Variants in RANBP2 observed in about 807,000 individuals in gnomAD.
RANBP2 encodes E3 SUMO-protein ligase RanBP2.
RANBP2 carries 57 observed loss-of-function variants against 303.6 expected under a neutral mutation model. That is an observed-to-expected ratio of 0.19 (90% confidence interval 0.15 to 0.23). RANBP2 has a LOEUF of 0.23. Ranked by LOEUF, RANBP2 falls within the 10% of genes least tolerant of loss-of-function variation. The pLI is 1.00. For missense variants in RANBP2, 3,138 were observed against 3,780.8 expected, an observed-to-expected ratio of 0.83 and a Z score of 4.46; for synonymous variants, 1,167 against 1,301.5, an observed-to-expected ratio of 0.90 and a Z score of 2.23.
At chr2:109,436,063 C>T in the RANBP2 span, among the ~76,000 whole-genome samples, 1 of 152,154 alleles carries the variant, frequency 6.6e-6, no homozygotes, top group East Asian at 1.9e-4. Context: ...GATGGCTGGA[C>T]CAGGCACAGG....
chr2:108,753,723 C>A, intron 14 of RANBP2, 102 bp from the exon 15 acceptor site: 3 of 1,598,504 alleles, frequency 1.9e-6, no homozygotes, highest in Non-Finnish European at 1.7e-6. Flanking sequence ...TGCCTCAGCT[C>A]CCGAGTAGCT....
At chr2:109,540,008 C>T in the RANBP2 span, among the ~76,000 whole-genome samples, 1 of 151,994 alleles carries the variant, frequency 6.6e-6, no homozygotes, top group African/African-American at 2.4e-5. Context: ...CCTGGTGGGA[C>T]ATGTGTCTTC....
Position 108,782,360 on chromosome 2 carries a change from T to C in RANBP2, c.8993T>C (p.Val2998Ala). ...ACAATGGAATTAAAGCCCTTAAATG[T>C]TTCAAATAATGCTTTAGTTTGGACT... ...TKTMELKPLN[V>A]SNNALVWTAS... Residue 2998 changes from valine (V) to alanine (A), a missense_variant, in exon 27 of 29, where the codon GTT (valine) becomes GCT (alanine). Physicochemically the swap from Val to Ala is moderately conservative, Grantham distance 64 (BLOSUM62 0). Coordinates refer to ENST00000283195, the MANE Select transcript of RANBP2 (RefSeq NM_006267.5). 1 of 1,614,180 alleles carries C rather than the reference T, an allele frequency of 6.2e-7. No individual in the cohort carries two copies. The highest frequency in any genetic ancestry group is 8.5e-7 in the Non-Finnish European group (1 of 1,180,030).
At chr2:108,978,089 C>G in the RANBP2 span, among the ~76,000 whole-genome samples, 1 of 152,186 alleles carries the variant, frequency 6.6e-6, no homozygotes, top group African/African-American at 2.4e-5. Context: ...TAGGGAAGAG[C>G]CCAGGGTAGG....
chr2:109,161,027 G>A, the RANBP2 span, among the ~76,000 whole-genome samples: 1 of 152,284 alleles, frequency 6.6e-6, no homozygotes, highest in East Asian at 1.9e-4. Context: ...TGGATGTGAA[G>A]GCTGTGAGAG....
At chr2:109,659,727 G>C in the RANBP2 span, among the ~76,000 whole-genome samples, 1 of 152,234 alleles carries the variant, frequency 6.6e-6, no homozygotes, top group Non-Finnish European at 1.5e-5. Flanking sequence ...TGGACTCTGA[G>C]GGGGCCGCGG....
chr2:109,200,519 C>T, the RANBP2 span, among the ~76,000 whole-genome samples: 1 of 152,168 alleles, frequency 6.6e-6, no homozygotes, highest in Non-Finnish European at 1.5e-5. Context: ...AAGCCTCCGA[C>T]TCTGCCCTGT....
chr2:108,894,510 G>A, the RANBP2 span: 1 of 151,984 alleles, frequency 6.6e-6, no homozygotes, highest in Non-Finnish European at 1.5e-5. Context: ...AATATAATAA[G>A]TTATATATAT....
At chr2:108,938,853 C>T in the RANBP2 span, among the ~76,000 whole-genome samples, 18 of 133,296 alleles carry the variant, frequency 1.4e-4, no homozygotes, top group Admixed American at 7.6e-4. Flanking sequence ...GATCTTGGCT[C>T]ACTGCAACCT....
the RANBP2 span, chr2:109,613,506 T>C: frequency 4.3e-6 from 1 of 232,238 alleles, no homozygotes; most frequent in Admixed American, 5.0e-5. Flanking sequence ...AACACCGCTG[T>C]GGATGTAACT....
At chr2:109,478,453 C>T in the RANBP2 span, among the ~76,000 whole-genome samples, 1 of 152,144 alleles carries the variant, frequency 6.6e-6, no homozygotes, top group Non-Finnish European at 1.5e-5. Context: ...TTAAGACCTG[C>T]GATTTGGTTT....
chr2:108,788,918 A>T (rs1373191331), downstream of RANBP2: 6 of 1,614,048 alleles, frequency 3.7e-6, no homozygotes, highest in African/African-American at 6.7e-5. Flanking sequence ...GAAAGCAAGC[A>T]TTGTAGAACA....
At chr2:109,493,901 T>C in the RANBP2 span, among the ~76,000 whole-genome samples, 1 of 151,906 alleles carries the variant, frequency 6.6e-6, no homozygotes, top group East Asian at 1.9e-4. Context: ...TTTCCTTCTC[T>C]CCTCCTCCTC....
chr2:108,990,003 A>G, the RANBP2 span, among the ~76,000 whole-genome samples: 1 of 152,162 alleles, frequency 6.6e-6, no homozygotes, highest in Admixed American at 6.5e-5. Context: ...GTAAGAGCTT[A>G]AGAAAGAAAC....
At chr2:108,861,963 T>A in the RANBP2 span, among the ~76,000 whole-genome samples, 5 of 152,312 alleles carry the variant, frequency 3.3e-5, no homozygotes, top group South Asian at 1.0e-3. Context: ...CCAAAAGTCA[T>A]TCGGGAGTAA....
At chr2:108,791,790 G>T in the RANBP2 span, 3 of 1,584,188 alleles carry the variant, frequency 1.9e-6, no homozygotes, top group Admixed American at 1.8e-5. Context: ...GTCTTTTAAA[G>T]AAATAGAAAA....
chr2:108,721,988 T>C (rs564909857), intron 1 of RANBP2, among the ~76,000 whole-genome samples: 82 of 151,594 alleles, frequency 5.4e-4, no homozygotes, highest in African/African-American at 1.9e-3. Flanking sequence ...TCCTCCCGCC[T>C]TGGCCCCAAG....
the RANBP2 span, among the ~76,000 whole-genome samples, chr2:109,353,808 G>A: frequency 2.0e-5 from 3 of 152,218 alleles, 1 homozygote; most frequent in African/African-American, 7.2e-5. Flanking sequence ...TCCGTGTGCA[G>A]TGGGAGCTGC....
the RANBP2 span, among the ~76,000 whole-genome samples, chr2:109,516,478 C>T: frequency 5.9e-5 from 9 of 152,228 alleles, no homozygotes; most frequent in Non-Finnish European, 1.3e-4. Context: ...TATGCGGACA[C>T]TCAGTCTCCC....
Sources: gnomAD v4.1 joint callset for allele counts (sites outside exome capture counted in the v4.1 genomes callset) on GRCh38, gnomAD v4.1.1 for gene constraint, MANE v1.5 for transcripts, NCBI Gene and HGNC (gene_info 2026-07-23, HGNC 2026-07-21) for gene names.